Variants in PAXBP1 observed in about 807,000 individuals in gnomAD.
The protein encoded by PAXBP1 is PAX3- and PAX7-binding protein 1.
PAXBP1 carries 44 observed loss-of-function variants against 119.9 expected under a neutral mutation model. The observed-to-expected ratio is 0.37, with a 90% confidence interval of 0.29 to 0.47. The LOEUF (loss-of-function observed/expected upper bound fraction) is 0.47. PAXBP1 is among the 20% of genes least tolerant of loss of function. The pLI is 0.99. For synonymous variants in PAXBP1, 393 were observed against 406.6 expected (o/e 0.97, Z 0.40); for missense variants, 898 against 1,134.1 (o/e 0.79, Z 2.99).
At chr21:32,752,741 G>A (rs138940617) in intron 8 of PAXBP1, among the ~76,000 whole-genome samples, 1 of 152,114 alleles carries the variant, frequency 6.6e-6, no homozygotes, top group South Asian at 2.1e-4. Context: ...CCAGGTTCAA[G>A]CGATTCTCCC....
intron 7 of PAXBP1, chr21:32,755,561 C>A: frequency 2.3e-6 from 1 of 434,472 alleles, no homozygotes; most frequent in Non-Finnish European, 3.9e-6. Context: ...CTATAATGTC[C>A]AGTGCCTAGT....
At chr21:32,735,960 T>C (rs1454823767) in intron 17 of PAXBP1, among the ~76,000 whole-genome samples, 1 of 152,244 alleles carries the variant, frequency 6.6e-6, no homozygotes, top group African/African-American at 2.4e-5. Context: ...GGTGCTTACA[T>C]AGCTGTTAAA....
chr21:32,743,890 C>G (rs2043827437), intron 13 of PAXBP1, 136 bp from the exon 14 acceptor site: 1 of 569,500 alleles, frequency 1.8e-6, no homozygotes, highest in Middle Eastern at 4.0e-4. Flanking sequence ...CATTGAAGAC[C>G]CTAAAGTAAT....
intron 15 of PAXBP1, chr21:32,742,380 A>G (rs77031635): frequency 0.066 from 10,016 of 152,254 alleles, 353 homozygotes; most frequent in African/African-American, 0.085. Flanking sequence ...CAGCTGTCCT[A>G]TGCTTTCTTC....
In PAXBP1 at chr21:32,761,137, A is replaced by C. The variant is rs781037711; in HGVS notation, c.897T>G (p.Ala299=). ...EIGIEGSDDD[A]LVTGEQDEEL... Reference sequence around the variant, plus strand: ...CTTCATCCTGTTCTCCAGTTACTAAAGCATCATCATCACTCCCCTCAATTC... The same window carrying C: ...CTTCATCCTGTTCTCCAGTTACTAACGCATCATCATCACTCCCCTCAATTC... Residue 299 remains alanine (A), a synonymous_variant, in exon 5 of 18, where the codon GCT becomes GCG. Transcript: ENST00000331923. 5 of 1,614,014 alleles carry C rather than the reference A, an allele frequency of 3.1e-6. No homozygotes were observed. The Admixed American group carries it at 8.3e-5, about 27-fold the overall frequency.
At position 32,748,031 on chromosome 21, in the gene PAXBP1, C is replaced by T. The variant is rs182339635; in HGVS notation, c.1923+468G>A. 1.8e-4 allele frequency among the ~76,000 whole-genome samples: 27 copies of T among 151,982 alleles called. No homozygotes were observed. In the East Asian group the frequency reaches 4.8e-3, roughly 27 times the overall value. ...TGAACTCCTGAGCTCAAACAATCCTCCCGCCTTGGCCTCCCAAACTGTTGG... is the reference window on the plus strand; with the variant it reads ...TGAACTCCTGAGCTCAAACAATCCTTCCGCCTTGGCCTCCCAAACTGTTGG... On this transcript the variant is annotated intron_variant, in intron 11 of 17. Coordinates refer to ENST00000331923, the MANE Select transcript of PAXBP1 (RefSeq NM_016631.4).
At chr21:32,763,581 A>G (rs1050085848) in intron 3 of PAXBP1, among the ~76,000 whole-genome samples, 7 of 152,252 alleles carry the variant, frequency 4.6e-5, no homozygotes, top group African/African-American at 1.7e-4. Flanking sequence ...GTACTGCTTC[A>G]TAATTTAAAT....
intron 2 of PAXBP1, among the ~76,000 whole-genome samples, chr21:32,764,778 A>G (rs1412730300): frequency 6.6e-6 from 1 of 152,220 alleles, no homozygotes; most frequent in Non-Finnish European, 1.5e-5. Flanking sequence ...TAAAGGATGC[A>G]TTTGAGGCCC....
intron 1 of PAXBP1, 124 bp downstream of exon 1, chr21:32,771,202 G>A: frequency 3.2e-6 from 3 of 923,716 alleles, no homozygotes; most frequent in Non-Finnish European, 4.5e-6. Flanking sequence ...TTCGCAGCCG[G>A]TCGGACGGCA....
Position 32,744,831 on chromosome 21 carries a change from T to C in PAXBP1, c.2151A>G (p.Gly717=), listed in dbSNP as rs144752479. Residue 717 remains glycine (G), a synonymous_variant, in exon 13 of 18, where the codon GGA becomes GGG. Transcript: ENST00000331923. ...MVGITLKLIN[G]YPSVVNAENK... ...TTTCTGCATTCACTACTGAAGGATA[T>C]CCATTGATTAATTTTAGTGTAATTC... is the stretch of plus-strand genomic sequence containing the variant. 3.7e-4 allele frequency: 586 copies of C among 1,605,418 alleles called. 2 individuals are homozygous for C. In the African/African-American group the frequency reaches 7.1e-3, roughly 19 times the overall value.
chr21:32,741,129 A>C (rs2043777305), intron 15 of PAXBP1, among the ~76,000 whole-genome samples: 1 of 152,244 alleles, frequency 6.6e-6, no homozygotes, highest in African/African-American at 2.4e-5. Flanking sequence ...TACTGGTAAG[A>C]ACGCAAAATT....
At chr21:32,748,747 G>A (rs772982419) in intron 10 of PAXBP1, 49 bp from the exon 11 acceptor site, 2 of 1,489,314 alleles carry the variant, frequency 1.3e-6, no homozygotes, top group South Asian at 2.4e-5. Flanking sequence ...TATGAAGTAG[G>A]AAAAAAACAG....
chr21:32,740,249 C>T (rs1245096309), intron 15 of PAXBP1, among the ~76,000 whole-genome samples: 1 of 152,168 alleles, frequency 6.6e-6, no homozygotes, highest in African/African-American at 2.4e-5. Context: ...CTGGAAGTCC[C>T]CAATGGGGGG....
chr21:32,753,920 G>A (rs1693003521), intron 8 of PAXBP1, among the ~76,000 whole-genome samples: 1 of 152,178 alleles, frequency 6.6e-6, no homozygotes, highest in Non-Finnish European at 1.5e-5. Flanking sequence ...ACCTCCCTTT[G>A]TAGTATAATG....
chr21:32,751,392 C>A lies in PAXBP1; in HGVS notation c.1508-174G>T, dbSNP rs555206246. ...TAGAACAAATTTCATTATTATTCTG[C>A]GTTCCCATTTTAAAAAGTAGAAAAA... is the stretch of plus-strand genomic sequence containing the variant. On this transcript the variant is annotated intron_variant, in intron 8 of 17. Transcript: ENST00000331923. The A allele has an allele frequency of 2.7e-5, 14 of 523,886 alleles. No individual in the cohort carries two copies. In the East Asian group the frequency reaches 4.3e-4, roughly 16 times the overall value. The allele number at this position is 523,886 out of a possible 1,614,324, so 32.5% of individuals were successfully genotyped here. A position where few individuals can be genotyped will look rare whatever the true frequency, so the allele number is the denominator to read the frequency against.
Position 32,769,837 on chromosome 21 carries a change from G to A in PAXBP1, c.449C>T (p.Thr150Ile), listed in dbSNP as rs757789167. ...KEDLEKSKIK[T>I]ELNSSAESEQ... is the part of the protein sequence containing the mutation. ...ACTTTCAGCTGATGAGTTGAGTTCT[G>A]TCTTAATCTTCGATTTTTCAAGATC... Residue 150 changes from threonine (T) to isoleucine (I), a missense_variant, in exon 2 of 18, where the codon ACA (threonine) becomes ATA (isoleucine). Physicochemically the swap from Thr to Ile is moderately conservative, Grantham distance 89. Coordinates refer to ENST00000331923, the MANE Select transcript of PAXBP1 (RefSeq NM_016631.4). The A allele has an allele frequency of 1.2e-6, 2 of 1,601,772 alleles. No homozygotes were observed. The highest frequency in any genetic ancestry group is 2.3e-5 in the East Asian group (1 of 44,392).
rs1037881544 is a variant in PAXBP1 at position 32,771,675 on chromosome 21, G to A, written c.-7C>T. ...GCCGGGCCTTTCGGAACATCCCCGC[G>A]GCCCGCACGGCGGTCGAATACTCGC... On this transcript the variant is annotated 5_prime_UTR_variant, in exon 1 of 18. Coordinates refer to ENST00000331923, the MANE Select transcript of PAXBP1 (RefSeq NM_016631.4). 1.4e-6 allele frequency: 2 copies of A among 1,397,662 alleles called. No individual in the cohort carries two copies. The highest frequency in any genetic ancestry group is 1.9e-6 in the Non-Finnish European group (2 of 1,080,978). 86.6% of individuals were successfully genotyped at this position (1,397,662 alleles called of 1,614,324 possible).
At position 32,771,684 on chromosome 21, in the gene PAXBP1, G is replaced by C. The variant is rs771175636; in HGVS notation, c.-16C>G. The C allele has an allele frequency of 2.5e-5, 35 of 1,388,948 alleles. No individual in the cohort carries two copies. Among genetic ancestry groups the C allele is most frequent in the Non-Finnish European group, 3.2e-5 (34 of 1,076,246 alleles). The allele number at this position is 1,388,948 out of a possible 1,614,324, so 86.0% of individuals were successfully genotyped here. A position where few individuals can be genotyped will look rare whatever the true frequency, so the allele number is the denominator to read the frequency against. On this transcript the variant is annotated 5_prime_UTR_variant, in exon 1 of 18. Coordinates refer to ENST00000331923, the MANE Select transcript of PAXBP1 (RefSeq NM_016631.4). ...TTCGGAACATCCCCGCGGCCCGCAC[G>C]GCGGTCGAATACTCGCTTCCACACC...
chr21:32,738,113 CAAAA>C, intron 16 of PAXBP1, 56 bp downstream of exon 16: 1 of 1,452,420 alleles, frequency 6.9e-7, no homozygotes, highest in African/African-American at 1.5e-5. Flanking sequence ...TTCAAACAAA[CAAAA>C]ACTTAATTCA....
Sources: allele counts gnomAD v4.1 joint callset (sites outside exome capture counted in the v4.1 genomes callset), GRCh38; gene constraint gnomAD v4.1.1; transcripts MANE v1.5; gene names NCBI Gene and HGNC (gene_info 2026-07-23, HGNC 2026-07-21).